KCTD8: variants seen among roughly 807,000 people sequenced by gnomAD.
The protein encoded by KCTD8 is potassium channel tetramerization domain containing 8.
In KCTD8, 27 loss-of-function variants were observed where a neutral mutation model predicts 31.5. That is an observed-to-expected ratio of 0.86 (90% CI 0.63 to 1.18). The LOEUF is 1.18. Among genes scored for constraint, KCTD8 ranks in the 50% most tolerant of loss-of-function variants. The pLI, the probability that KCTD8 is intolerant of heterozygous loss-of-function variation, is 0.00. For synonymous variants in KCTD8, 290 were observed against 280.0 expected (o/e 1.04, Z -0.36); for missense variants, 658 against 647.7 (o/e 1.02, Z -0.17).
rs77615921 is a variant in KCTD8 at position 44,376,398 on chromosome 4, C to A, written c.961+71165G>T. ...TTGCAAAAAGGTTGTAGGGCCACCA[C>A]CCCTACTTCAGCCTTAAGACAAAAT... On this transcript the variant is annotated intron_variant, in intron 1 of 1. Transcript: ENST00000360029. Among the ~76,000 whole-genome samples, 1,409 of 152,294 alleles carry A rather than the reference C, an allele frequency of 9.3e-3. 22 individuals are homozygous for A. The highest frequency in any genetic ancestry group is 0.033 in the African/African-American group (1,359 of 41,574).
intron 1 of KCTD8, among the ~76,000 whole-genome samples, chr4:44,318,803 C>T (rs796409093): frequency 1.8e-4 from 27 of 152,258 alleles, no homozygotes; most frequent in African/African-American, 6.5e-4. Context: ...TTTATTGTTG[C>T]TGCTGTTCTT....
At chr4:44,362,215 G>A (rs566563976) in intron 1 of KCTD8, among the ~76,000 whole-genome samples, 14 of 152,250 alleles carry the variant, frequency 9.2e-5, no homozygotes, top group Admixed American at 6.5e-4. Context: ...TGCAAGTGTA[G>A]GCAGGTTGTC....
Position 44,447,735 on chromosome 4 carries a change from C to T in KCTD8, c.789G>A (p.Glu263=). 1.2e-6 allele frequency: 2 copies of T among 1,612,168 alleles called. No homozygotes were observed. The highest frequency in any genetic ancestry group is 1.7e-6 in the Non-Finnish European group (2 of 1,179,346). ...TGAGGTAGAAGCGGGACGTGTACTT[C>T]TCCGGCTGCCGGTCGGGGTCGCGGC... The part of the protein sequence containing the change: ...NESRDPDRQP[E]KYTSRFYLKF... Residue 263 remains glutamate (E), a synonymous_variant, in exon 1 of 2, where the codon GAG becomes GAA. Transcript: ENST00000360029.
At chr4:44,180,881 C>A (rs1426104432) in intron 1 of KCTD8, among the ~76,000 whole-genome samples, 1 of 151,982 alleles carries the variant, frequency 6.6e-6, no homozygotes, top group African/African-American at 2.4e-5. Context: ...AAATATTAAG[C>A]ATTAAAAGGT....
chr4:44,224,184 G>A (rs1714883620), intron 1 of KCTD8, among the ~76,000 whole-genome samples: 1 of 152,070 alleles, frequency 6.6e-6, no homozygotes, highest in Admixed American at 6.6e-5. Flanking sequence ...TCACAATTTT[G>A]ACAGATCCCT....
intron 1 of KCTD8, among the ~76,000 whole-genome samples, chr4:44,417,795 A>G (rs1179570624): frequency 1.3e-5 from 2 of 152,100 alleles, no homozygotes; most frequent in Non-Finnish European, 2.9e-5. Context: ...CCACATGGAA[A>G]AGGAAGTCCT....
rs190816684 is a variant in KCTD8, at chr4:44,375,049, T to C, written c.961+72514A>G. 3.2e-4 allele frequency among the ~76,000 whole-genome samples: 49 copies of C among 152,318 alleles called. No homozygotes were observed. In the East Asian group the frequency reaches 6.9e-3, roughly 22 times the overall value. On this transcript the variant is annotated intron_variant, in intron 1 of 1. Transcript: ENST00000360029. ...GTAAAACAAGGTATGCCTATAATTT[T>C]AAAGTATTATGACATTCATTCACCT...
chr4:44,246,632 G>A (rs1353908390), intron 1 of KCTD8, among the ~76,000 whole-genome samples: 1 of 151,866 alleles, frequency 6.6e-6, no homozygotes, highest in Non-Finnish European at 1.5e-5. Flanking sequence ...TCCTTTATAA[G>A]CTTCCTTAAA....
chr4:44,354,284 T>A (rs186016417), intron 1 of KCTD8, among the ~76,000 whole-genome samples: 143 of 152,268 alleles, frequency 9.4e-4, no homozygotes, highest in African/African-American at 3.3e-3. Flanking sequence ...GGCCTAGCAG[T>A]CTTCCTACTC....
rs75844526 is a variant in KCTD8 at position 44,409,699 on chromosome 4, GA to G, written c.961+37863del. ...AGAAAAATATGCTTAAGAATCTGCA[GA>G]AAAAAAAAGCATTAAAAAAAAGCTT... On this transcript the variant is annotated intron_variant, in intron 1 of 1. Transcript: ENST00000360029. Among the ~76,000 whole-genome samples the G allele has an allele frequency of 9.3e-4, 139 of 148,828 alleles. 1 individual carries two copies. The highest frequency in any genetic ancestry group is 3.2e-3 in the African/African-American group (130 of 40,664).
At chr4:44,273,109 T>A (rs973192893) in intron 1 of KCTD8, among the ~76,000 whole-genome samples, 1 of 152,016 alleles carries the variant, frequency 6.6e-6, no homozygotes, top group Non-Finnish European at 1.5e-5. Flanking sequence ...TTCTATTATA[T>A]AACAGCTAAC....
chr4:44,383,767 C>A (rs982336388), intron 1 of KCTD8, among the ~76,000 whole-genome samples: 3 of 151,724 alleles, frequency 2.0e-5, no homozygotes, highest in East Asian at 1.9e-4. Context: ...CTGGTCTGGG[C>A]AAAAATTGTA....
At chr4:44,240,219 T>C (rs1715419711) in intron 1 of KCTD8, among the ~76,000 whole-genome samples, 1 of 152,220 alleles carries the variant, frequency 6.6e-6, no homozygotes, top group East Asian at 1.9e-4. Flanking sequence ...ATGGTGTTTC[T>C]CTGTCAAAAC....
chr4:44,320,913 A>G (rs1718278439), intron 1 of KCTD8, among the ~76,000 whole-genome samples: 1 of 152,074 alleles, frequency 6.6e-6, no homozygotes, highest in African/African-American at 2.4e-5. Context: ...TTAAGAAGGC[A>G]AGGAAAAGGA....
chr4:44,268,970 G>A (rs1441130214), intron 1 of KCTD8, among the ~76,000 whole-genome samples: 2 of 152,066 alleles, frequency 1.3e-5, no homozygotes, highest in Non-Finnish European at 1.5e-5. Context: ...CCTGCCCAAG[G>A]TAATTTATAG....
chr4:44,234,545 CAG>C (rs1553895053), intron 1 of KCTD8, among the ~76,000 whole-genome samples: 2 of 152,154 alleles, frequency 1.3e-5, no homozygotes, highest in African/African-American at 4.8e-5. Context: ...GTCAACTGAA[CAG>C]GGAAAATAAG....
At chr4:44,274,662 G>C (rs1310888078) in intron 1 of KCTD8, among the ~76,000 whole-genome samples, 2 of 151,608 alleles carry the variant, frequency 1.3e-5, no homozygotes, top group African/African-American at 4.8e-5. Flanking sequence ...TCAAAAATTT[G>C]GTTGAAATTT....
intron 1 of KCTD8, among the ~76,000 whole-genome samples, chr4:44,318,736 A>G (rs186233061): frequency 1.3e-5 from 2 of 152,338 alleles, no homozygotes; most frequent in East Asian, 3.9e-4. Context: ...AAGAAGAGTA[A>G]TAGGCCTACA....
chr4:44,393,967 G>T (rs1687292782), intron 1 of KCTD8, among the ~76,000 whole-genome samples: 1 of 151,770 alleles, frequency 6.6e-6, no homozygotes, highest in African/African-American at 2.4e-5. Flanking sequence ...CTTCAAATTT[G>T]ATAATCTATG....
Sources: gnomAD v4.1 joint callset for allele counts (sites outside exome capture counted in the v4.1 genomes callset) on GRCh38, gnomAD v4.1.1 for gene constraint, MANE v1.5 for transcripts, NCBI Gene and HGNC (gene_info 2026-07-23, HGNC 2026-07-21) for gene names.